Variants in LINGO2 observed in about 807,000 individuals in gnomAD.
LINGO2 encodes the protein leucine rich repeat and Ig domain containing 2, also known as leucine-rich repeat and immunoglobulin-like domain-containing nogo receptor-interacting protein 2.
A neutral mutation model predicts 30.6 loss-of-function variants in LINGO2; 14 were observed. The observed-to-expected ratio is 0.46, with a 90% confidence interval of 0.30 to 0.72. The LOEUF (loss-of-function observed/expected upper bound fraction) is 0.72. Among genes scored for constraint, LINGO2 ranks in the 30% least tolerant of loss-of-function variants. The pLI is 0.07. For missense variants in LINGO2, 729 were observed against 751.7 expected (o/e 0.97, Z 0.35); for synonymous variants, 317 against 288.5 (o/e 1.10, Z -1.00).
chr9:28,851,950 A>G, the LINGO2 span, among the ~76,000 whole-genome samples: 2 of 151,954 alleles, frequency 1.3e-5, no homozygotes, highest in African/African-American at 2.4e-5. Flanking sequence ...TGACAATACT[A>G]GTCCTCCTCT....
At chr9:28,074,990 A>C (rs1825582703) in intron 4 of LINGO2, among the ~76,000 whole-genome samples, 1 of 151,074 alleles carries the variant, frequency 6.6e-6, no homozygotes, top group Non-Finnish European at 1.5e-5. Context: ...TTATATATAA[A>C]ATATATGAAA....
At chr9:28,068,626 A>T (rs1825383330) in intron 4 of LINGO2, among the ~76,000 whole-genome samples, 1 of 152,186 alleles carries the variant, frequency 6.6e-6, no homozygotes, top group Non-Finnish European at 1.5e-5. Context: ...CAGTGAACAA[A>T]GTAGTTTTTC....
At chr9:28,100,798 A>G (rs1406854677) in intron 4 of LINGO2, among the ~76,000 whole-genome samples, 2 of 152,212 alleles carry the variant, frequency 1.3e-5, no homozygotes, top group Admixed American at 1.3e-4. Flanking sequence ...AAATCCTTCA[A>G]TGTCTGACTT....
chr9:28,466,039 G>A (rs1009871381), intron 2 of LINGO2, among the ~76,000 whole-genome samples: 1 of 151,798 alleles, frequency 6.6e-6, no homozygotes, highest in Non-Finnish European at 1.5e-5. Flanking sequence ...AACCACTATG[G>A]AGAACAGTTC....
chr9:28,490,523 G>C (rs1410002211), intron 1 of LINGO2, among the ~76,000 whole-genome samples: 1 of 152,182 alleles, frequency 6.6e-6, no homozygotes, highest in Non-Finnish European at 1.5e-5. Context: ...AATACAGTGA[G>C]TGCTAAAGCC....
chr9:28,151,667 A>G (rs1828003708), intron 4 of LINGO2, among the ~76,000 whole-genome samples: 1 of 151,884 alleles, frequency 6.6e-6, no homozygotes, highest in Admixed American at 6.5e-5. Context: ...TTTTGTTACT[A>G]GAAAACTCAA....
At chr9:28,056,289 C>T (rs141380940) in intron 4 of LINGO2, among the ~76,000 whole-genome samples, 2 of 152,210 alleles carry the variant, frequency 1.3e-5, no homozygotes, top group East Asian at 3.9e-4. Flanking sequence ...TTCTGGGTGG[C>T]AGACTCAATT....
At chr9:28,885,194 G>T in the LINGO2 span, among the ~76,000 whole-genome samples, 1 of 147,918 alleles carries the variant, frequency 6.8e-6, no homozygotes, top group Non-Finnish European at 1.5e-5. Flanking sequence ...GGGAGACCCT[G>T]CATTGTCCCT....
intron 3 of LINGO2, among the ~76,000 whole-genome samples, chr9:28,321,944 G>A (rs571313251): frequency 1.4e-4 from 22 of 152,080 alleles, no homozygotes; most frequent in Non-Finnish European, 2.2e-4. Context: ...ATTTAATTTT[G>A]ATGCATATTT....
At chr9:28,512,620 TATATATATATATATATACACACATAC>T (rs1820448743) in intron 1 of LINGO2, among the ~76,000 whole-genome samples, 1 of 37,172 alleles carries the variant, frequency 2.7e-5, no homozygotes, top group Non-Finnish European at 5.0e-5. Flanking sequence ...TATATATATA[TATATATATATATATATACACACATAC>T]ATACACACAC....
chr9:28,879,050 C>T, the LINGO2 span, among the ~76,000 whole-genome samples: 1 of 152,152 alleles, frequency 6.6e-6, no homozygotes, highest in African/African-American at 2.4e-5. Flanking sequence ...GTCAAATTGT[C>T]CCTGTTTGCA....
intron 3 of LINGO2, among the ~76,000 whole-genome samples, chr9:28,305,654 C>T (rs992882341): frequency 2.0e-5 from 3 of 151,968 alleles, no homozygotes; most frequent in Middle Eastern, 3.2e-3. Flanking sequence ...GACTCTTTCA[C>T]AACGTACATA....
chr9:28,577,937 G>A (rs1189911617), intron 1 of LINGO2, among the ~76,000 whole-genome samples: 2 of 152,162 alleles, frequency 1.3e-5, no homozygotes, highest in African/African-American at 4.8e-5. Context: ...TGGAAAATCT[G>A]ATTCAGGCTT....
At chr9:28,638,288 G>C (rs1167303260) in intron 1 of LINGO2, among the ~76,000 whole-genome samples, 8 of 151,872 alleles carry the variant, frequency 5.3e-5, no homozygotes, top group East Asian at 3.9e-4. Flanking sequence ...CTCTTTTTTT[G>C]TTGTGTCCCT....
chr9:28,051,571 G>C (rs1824675790), intron 4 of LINGO2, among the ~76,000 whole-genome samples: 1 of 152,030 alleles, frequency 6.6e-6, no homozygotes, highest in Non-Finnish European at 1.5e-5. Context: ...TCTTAGAGGT[G>C]ATTTCATCCT....
the LINGO2 span, among the ~76,000 whole-genome samples, chr9:28,869,350 A>AT: frequency 6.6e-6 from 1 of 152,084 alleles, no homozygotes; most frequent in Admixed American, 6.6e-5. Flanking sequence ...GAATTAGACA[A>AT]TAAGAAAGGT....
At chr9:28,603,796 G>T (rs1320934656) in intron 1 of LINGO2, among the ~76,000 whole-genome samples, 1 of 151,994 alleles carries the variant, frequency 6.6e-6, no homozygotes, top group Non-Finnish European at 1.5e-5. Context: ...CTTTGGCATA[G>T]TTCCTAGTGT....
At chr9:28,899,384 A>C in the LINGO2 span, among the ~76,000 whole-genome samples, 292 of 152,116 alleles carry the variant, frequency 1.9e-3, 1 homozygote, top group African/African-American at 6.6e-3. Flanking sequence ...AATCCCCATA[A>C]ACTCTGGCAT....
intron 4 of LINGO2, among the ~76,000 whole-genome samples, chr9:28,238,592 A>C (rs1286410362): frequency 2.0e-5 from 3 of 152,152 alleles, no homozygotes; most frequent in Non-Finnish European, 4.4e-5. Context: ...TTTTTTTCAA[A>C]ACAAATGATA....
Sources: gnomAD v4.1 joint callset for allele counts (sites outside exome capture counted in the v4.1 genomes callset) on GRCh38, gnomAD v4.1.1 for gene constraint, MANE v1.5 for transcripts, NCBI Gene and HGNC (gene_info 2026-07-23, HGNC 2026-07-21) for gene names.